Variants in MMP16 observed in about 807,000 individuals in gnomAD.
The protein encoded by MMP16 is matrix metallopeptidase 16.
In MMP16, 12 loss-of-function variants were observed where a neutral mutation model predicts 67.8. That is an observed-to-expected ratio of 0.18 (90% CI 0.11 to 0.29). The LOEUF is 0.29. Ranked by LOEUF, MMP16 falls within the 10% of genes least tolerant of loss-of-function variation. The pLI is 1.00. For missense variants in MMP16, 475 were observed against 765.7 expected, an observed-to-expected ratio of 0.62 and a Z score of 4.48; for synonymous variants, 249 against 255.9, an observed-to-expected ratio of 0.97 and a Z score of 0.26.
At chr8:88,158,811 A>T (rs546214563) in intron 4 of MMP16, among the ~76,000 whole-genome samples, 4 of 152,304 alleles carry the variant, frequency 2.6e-5, no homozygotes, top group Non-Finnish European at 5.9e-5. Flanking sequence ...CTAACATTTA[A>T]GTCTTTAATC....
intron 4 of MMP16, among the ~76,000 whole-genome samples, chr8:88,160,896 C>T (rs1490456721): frequency 6.6e-6 from 1 of 152,176 alleles, no homozygotes; most frequent in African/African-American, 2.4e-5. Context: ...TGGGATGAAG[C>T]CCACTTGATC....
intron 3 of MMP16, among the ~76,000 whole-genome samples, chr8:88,176,627 C>T (rs1808895589): frequency 6.6e-6 from 1 of 152,154 alleles, no homozygotes; most frequent in Admixed American, 6.6e-5. Context: ...CATTGTTTCT[C>T]ATACACATAA....
intron 3 of MMP16, among the ~76,000 whole-genome samples, chr8:88,169,967 T>C (rs187262245): frequency 2.0e-5 from 3 of 152,294 alleles, no homozygotes; most frequent in Admixed American, 1.3e-4. Flanking sequence ...TATATTGACG[T>C]AGGGCAAGAT....
intron 6 of MMP16, among the ~76,000 whole-genome samples, chr8:88,078,922 A>T (rs937300854): frequency 6.6e-6 from 1 of 151,990 alleles, no homozygotes; most frequent in African/African-American, 2.4e-5. Context: ...ACAGCATCTC[A>T]AATCTCTTTA....
At chr8:88,213,703 C>G (rs1809545951) in intron 1 of MMP16, among the ~76,000 whole-genome samples, 1 of 152,136 alleles carries the variant, frequency 6.6e-6, no homozygotes, top group Admixed American at 6.5e-5. Flanking sequence ...GCTTTCTGAG[C>G]CTATGGCCCT....
rs1810635644 is a variant in MMP16, at chr8:88,275,563, CAT to C, written c.132+51510_132+51511del. ...CATGGGGTGGCCTGTTATTAATATT[CAT>C]AGTTACAGTAACAATCCCAGAGAAC... is the stretch of plus-strand genomic sequence containing the variant. On this transcript the variant is annotated intron_variant, in intron 1 of 9. Coordinates refer to ENST00000286614, the MANE Select transcript of MMP16 (RefSeq NM_005941.5). 4.6e-5 allele frequency among the ~76,000 whole-genome samples: 7 copies of C among 151,886 alleles called. No homozygotes were observed. In the South Asian group the frequency reaches 1.4e-3, roughly 31 times the overall value.
At chr8:88,176,549 T>A (rs1279143789) in intron 3 of MMP16, among the ~76,000 whole-genome samples, 3 of 152,242 alleles carry the variant, frequency 2.0e-5, no homozygotes, top group Non-Finnish European at 4.4e-5. Flanking sequence ...TAGCTGATTA[T>A]ACATTTTAGT....
chr8:88,125,190 T>TA (rs1554579464), intron 4 of MMP16, among the ~76,000 whole-genome samples: 12 of 38,572 alleles, frequency 3.1e-4, no homozygotes, highest in African/African-American at 9.2e-4. Context: ...GTCCTGGAGA[T>TA]TTTTTTTTTT....
At chr8:88,055,299 C>T (rs1465871085) in intron 8 of MMP16, among the ~76,000 whole-genome samples, 2 of 152,102 alleles carry the variant, frequency 1.3e-5, no homozygotes, top group Non-Finnish European at 2.9e-5. Context: ...CCTTTGCCTC[C>T]CTGGTTCAAG....
At chr8:88,202,336 GGAAACTCATT>G (rs911871966) in intron 1 of MMP16, among the ~76,000 whole-genome samples, 2 of 152,128 alleles carry the variant, frequency 1.3e-5, no homozygotes, top group Middle Eastern at 3.2e-3. Flanking sequence ...TACCTTAACA[GGAAACTCATT>G]TATGATAGAA....
rs543318306 is a variant in MMP16 at position 88,222,965 on chromosome 8, G to A, written c.133-25659C>T. ...CACCCATCTGACAAAGGGCTAATAT[G>A]CAGAATCTACAAAGAACTTAAACAA... On this transcript the variant is annotated intron_variant, in intron 1 of 9. Coordinates refer to ENST00000286614, the MANE Select transcript of MMP16 (RefSeq NM_005941.5). Among the ~76,000 whole-genome samples, 29 of 152,124 alleles carry A rather than the reference G, an allele frequency of 1.9e-4. No homozygotes were observed. In the South Asian group the frequency reaches 5.6e-3, roughly 29 times the overall value.
chr8:88,291,355 C>A (rs1013636977), intron 1 of MMP16, among the ~76,000 whole-genome samples: 1 of 152,144 alleles, frequency 6.6e-6, no homozygotes, highest in African/African-American at 2.4e-5. Flanking sequence ...TGTTCTATTA[C>A]AAATGTGGCT....
At chr8:88,110,949 G>A (rs1370966606) in intron 6 of MMP16, among the ~76,000 whole-genome samples, 1 of 151,646 alleles carries the variant, frequency 6.6e-6, no homozygotes, top group Non-Finnish European at 1.5e-5. Flanking sequence ...TTATACAAAT[G>A]AGGAAAGTAA....
At chr8:88,321,091 G>A (rs1811453393) in intron 1 of MMP16, among the ~76,000 whole-genome samples, 2 of 151,996 alleles carry the variant, frequency 1.3e-5, no homozygotes, top group South Asian at 4.1e-4. Flanking sequence ...TTTTAGTATG[G>A]AATTTTTTAT....
At chr8:88,203,196 C>T (rs535135821) in intron 1 of MMP16, among the ~76,000 whole-genome samples, 20 of 151,076 alleles carry the variant, frequency 1.3e-4, no homozygotes, top group Middle Eastern at 3.4e-3. Flanking sequence ...CTCCGTCACC[C>T]GGGTTCAAGG....
chr8:88,291,027 T>C (rs1278938610), intron 1 of MMP16, among the ~76,000 whole-genome samples: 2 of 152,124 alleles, frequency 1.3e-5, no homozygotes, highest in Non-Finnish European at 2.9e-5. Flanking sequence ...ATGCCTGTAA[T>C]CTCACTACTT....
chr8:88,049,365 C>A (rs1486064801), intron 8 of MMP16, among the ~76,000 whole-genome samples: 1 of 152,162 alleles, frequency 6.6e-6, no homozygotes, highest in Non-Finnish European at 1.5e-5. Flanking sequence ...TCCCACAGAA[C>A]ATTCTGTGAT....
chr8:88,294,510 CTA>C (rs1234958664), intron 1 of MMP16, among the ~76,000 whole-genome samples: 8 of 146,040 alleles, frequency 5.5e-5, no homozygotes, highest in African/African-American at 1.0e-4. Context: ...GTATATGTCT[CTA>C]CACACACATG....
chr8:88,283,437 A>C (rs1490259862), intron 1 of MMP16, among the ~76,000 whole-genome samples: 1 of 152,164 alleles, frequency 6.6e-6, no homozygotes, highest in Non-Finnish European at 1.5e-5. Context: ...ATAGAGTATA[A>C]AAATAAAAAC....
Sources: allele counts gnomAD v4.1 joint callset (sites outside exome capture counted in the v4.1 genomes callset), GRCh38; gene constraint gnomAD v4.1.1; transcripts MANE v1.5; gene names NCBI Gene and HGNC (gene_info 2026-07-23, HGNC 2026-07-21).